Variants in CTNNA3 observed in about 807,000 individuals in gnomAD.
CTNNA3 encodes the protein catenin alpha 3.
Under a neutral mutation model 95.7 loss-of-function variants are expected in CTNNA3, and 76 were observed. The ratio of observed to expected loss-of-function variants is 0.79; its 90% CI spans 0.66 to 0.96. The LOEUF (loss-of-function observed/expected upper bound fraction) is 0.96. CTNNA3 is among the 40% of genes least tolerant of loss of function. The pLI is 0.00. For missense variants in CTNNA3, 1,191 were observed against 1,089.8 expected (o/e 1.09, Z -1.31); for synonymous variants, 431 against 374.4 (o/e 1.15, Z -1.74).
At chr10:66,408,143 G>A (rs1398486128) in intron 11 of CTNNA3, among the ~76,000 whole-genome samples, 5 of 152,046 alleles carry the variant, frequency 3.3e-5, no homozygotes, top group African/African-American at 1.2e-4. Flanking sequence ...GCACAGATTC[G>A]ACATAGTACT....
chr10:66,179,413 T>C (rs2085918213), intron 13 of CTNNA3, among the ~76,000 whole-genome samples: 1 of 151,936 alleles, frequency 6.6e-6, no homozygotes, highest in Non-Finnish European at 1.5e-5. Context: ...AAAGGGTCAA[T>C]AGGAGCAATC....
At chr10:66,972,700 ATTTT>A (rs56664927) in intron 7 of CTNNA3, among the ~76,000 whole-genome samples, 1,331 of 108,658 alleles carry the variant, frequency 0.012, 18 homozygotes, top group African/African-American at 0.037. Flanking sequence ...TGTCAAATAG[ATTTT>A]TTTTTTTTTT....
intron 2 of CTNNA3, among the ~76,000 whole-genome samples, chr10:67,611,514 C>G (rs1199233996): frequency 6.6e-6 from 1 of 152,020 alleles, no homozygotes; most frequent in African/African-American, 2.4e-5. Context: ...GACAGGGTTT[C>G]ACCATGTTAG....
At chr10:66,446,001 A>T (rs921355493) in intron 11 of CTNNA3, among the ~76,000 whole-genome samples, 7 of 152,120 alleles carry the variant, frequency 4.6e-5, no homozygotes, top group African/African-American at 1.7e-4. Flanking sequence ...TATCACTACC[A>T]ATCCCACAGA....
chr10:67,187,612 T>C (rs1258993863), intron 6 of CTNNA3, among the ~76,000 whole-genome samples: 4 of 151,956 alleles, frequency 2.6e-5, no homozygotes, highest in Admixed American at 2.6e-4. Context: ...ATTTGAGGAA[T>C]GTCTCACTCT....
At chr10:67,718,665 T>A (rs1347905755) in intron 1 of CTNNA3, among the ~76,000 whole-genome samples, 6 of 152,190 alleles carry the variant, frequency 3.9e-5, no homozygotes, top group Non-Finnish European at 7.3e-5. Flanking sequence ...GCCCACTTGA[T>A]TGTGGTAGAT....
chr10:66,772,652 C>T (rs190108633), intron 8 of CTNNA3, among the ~76,000 whole-genome samples: 1 of 152,246 alleles, frequency 6.6e-6, no homozygotes, highest in Non-Finnish European at 1.5e-5. Flanking sequence ...AAGATTGAAA[C>T]AAATAAATAC....
At chr10:66,617,513 CTTCA>C (rs1212372269) in intron 10 of CTNNA3, among the ~76,000 whole-genome samples, 1 of 152,134 alleles carries the variant, frequency 6.6e-6, no homozygotes, top group Non-Finnish European at 1.5e-5. Flanking sequence ...TTCAACAACT[CTTCA>C]TGCTAAAAAC....
chr10:66,304,296 G>A (rs963589896), intron 12 of CTNNA3, among the ~76,000 whole-genome samples: 3 of 152,188 alleles, frequency 2.0e-5, no homozygotes, highest in African/African-American at 7.2e-5. Flanking sequence ...ACTCCTCGCT[G>A]AAGTAGAAAA....
intron 4 of CTNNA3, among the ~76,000 whole-genome samples, chr10:67,527,813 G>T (rs1840197235): frequency 6.6e-6 from 1 of 152,160 alleles, no homozygotes; most frequent in South Asian, 2.1e-4. Flanking sequence ...TTTTTAAGAT[G>T]CTCAAAGAAT....
At chr10:66,684,806 G>A (rs1847190690) in intron 9 of CTNNA3, among the ~76,000 whole-genome samples, 1 of 152,078 alleles carries the variant, frequency 6.6e-6, no homozygotes, top group Non-Finnish European at 1.5e-5. Flanking sequence ...TGCTATTGAT[G>A]CTGAAAATAG....
chr10:67,180,657 C>G, intron 6 of CTNNA3, 137 bp from the exon 7 acceptor site: 1 of 671,266 alleles, frequency 1.5e-6, no homozygotes, highest in Non-Finnish European at 2.6e-6. Context: ...TCGGCTGGTT[C>G]ACACATAATG....
intron 12 of CTNNA3, among the ~76,000 whole-genome samples, chr10:66,367,368 T>C (rs1427573529): frequency 6.6e-6 from 1 of 151,998 alleles, no homozygotes; most frequent in Non-Finnish European, 1.5e-5. Flanking sequence ...AGCCCAGCTG[T>C]AAGATAACTC....
At chr10:67,699,485 T>C (rs1251562839), upstream of CTNNA3, among the ~76,000 whole-genome samples, 3 of 152,196 alleles carry the variant, frequency 2.0e-5, no homozygotes, top group African/African-American at 7.2e-5. Context: ...ACATAGGATA[T>C]TGAGTGGGAC....
At chr10:66,094,292 T>C (rs1222719957) in intron 14 of CTNNA3, among the ~76,000 whole-genome samples, 1 of 152,000 alleles carries the variant, frequency 6.6e-6, no homozygotes, top group Admixed American at 6.6e-5. Flanking sequence ...CAAAATATAA[T>C]GCAAATGAGA....
At chr10:67,051,879 C>G (rs1004730602) in intron 7 of CTNNA3, among the ~76,000 whole-genome samples, 4 of 152,012 alleles carry the variant, frequency 2.6e-5, no homozygotes, top group African/African-American at 9.7e-5. Context: ...CTCAGCCACC[C>G]AAATAGCTGG....
chr10:66,431,065 C>A lies in CTNNA3; in HGVS notation c.1532-51713G>T, dbSNP rs560508175. On this transcript the variant is annotated intron_variant, in intron 11 of 17. Transcript: ENST00000433211. ...CTCAAATTTACAAGAAAAAAAAAAA[C>A]CCATCAAAAAGTGGGCAAAGGATAT... Among the ~76,000 whole-genome samples, 244 of 146,002 alleles carry A rather than the reference C, an allele frequency of 1.7e-3. 1 individual carries two copies. Among genetic ancestry groups the A allele is most frequent in the South Asian group, 0.012 (55 of 4,472 alleles).
intron 15 of CTNNA3, among the ~76,000 whole-genome samples, chr10:65,999,830 C>T (rs1445635979): frequency 1.3e-5 from 2 of 149,996 alleles, no homozygotes; most frequent in African/African-American, 4.9e-5. Context: ...TTGGATCCTA[C>T]AGAAAAAGAC....
chr10:66,543,906 T>C (rs113389583), intron 10 of CTNNA3, among the ~76,000 whole-genome samples: 1 of 9,900 alleles, frequency 1.0e-4, no homozygotes. Flanking sequence ...GAGATGTGTG[T>C]GTGTGTATAT....
Sources: allele counts gnomAD v4.1 joint callset (sites outside exome capture counted in the v4.1 genomes callset), GRCh38; gene constraint gnomAD v4.1.1; transcripts MANE v1.5; gene names NCBI Gene and HGNC (gene_info 2026-07-23, HGNC 2026-07-21).